Variants in ADGRL2 observed in about 807,000 individuals in gnomAD.
ADGRL2 encodes the protein calcium-independent alpha-latrotoxin receptor 2.
A neutral mutation model predicts 157.4 loss-of-function variants in ADGRL2; 44 were observed. The ratio of observed to expected loss-of-function variants is 0.28; its 90% CI spans 0.22 to 0.36. The LOEUF is 0.36. Among genes scored for constraint, ADGRL2 ranks in the 10% least tolerant of loss-of-function variants. The pLI, the probability that ADGRL2 is intolerant of heterozygous loss-of-function variation, is 1.00. For missense variants in ADGRL2, 1,510 were observed against 1,768.9 expected (o/e 0.85, Z 2.63); for synonymous variants, 585 against 624.7 (o/e 0.94, Z 0.95).
At chr1:81,808,651 C>A (rs2089465975) in intron 1 of ADGRL2, among the ~76,000 whole-genome samples, 1 of 151,980 alleles carries the variant, frequency 6.6e-6, no homozygotes, top group Non-Finnish European at 1.5e-5. Context: ...TCAAAAGAAA[C>A]CTACTCCATT....
chr1:81,516,489 A>G lies in ADGRL2; in HGVS notation c.-247-64387A>G, dbSNP rs1043769069. Among the ~76,000 whole-genome samples, 7 of 152,202 alleles carry G rather than the reference A, an allele frequency of 4.6e-5. 1 individual carries two copies. Among genetic ancestry groups the G allele is most frequent in the Admixed American group, 4.6e-4 (7 of 15,276 alleles). On this transcript the variant is annotated intron_variant, in intron 2 of 24. Coordinates refer to the ADGRL2 transcript ENST00000370721. ...CATCACTCCTGCAAAGTATTACCTG[A>G]CTTTTAGAGTCTATAGTAAGAGCCC...
chr1:81,537,188 T>C (rs2079760885), intron 2 of ADGRL2, among the ~76,000 whole-genome samples: 2 of 152,348 alleles, frequency 1.3e-5, no homozygotes, highest in South Asian at 4.1e-4. Context: ...TGCATATAAC[T>C]AGAAAAAAGC....
chr1:81,494,513 AC>A (rs2078693937), intron 2 of ADGRL2, among the ~76,000 whole-genome samples: 1 of 152,166 alleles, frequency 6.6e-6, no homozygotes, highest in South Asian at 2.1e-4. Context: ...CTTAAAGATC[AC>A]CTGTGACATT....
intron 3 of ADGRL2, among the ~76,000 whole-genome samples, chr1:81,933,469 G>A (rs1284438916): frequency 6.6e-6 from 1 of 152,094 alleles, no homozygotes; most frequent in East Asian, 1.9e-4. Context: ...AAATACAAAC[G>A]ACTAAACACT....
intron 2 of ADGRL2, among the ~76,000 whole-genome samples, chr1:81,860,187 G>A (rs1330247588): frequency 6.6e-6 from 1 of 152,080 alleles, no homozygotes; most frequent in Non-Finnish European, 1.5e-5. Flanking sequence ...TCATGCCTCT[G>A]TACTCCAGCC....
chr1:81,626,714 G>A (rs1238201487), intron 3 of ADGRL2, among the ~76,000 whole-genome samples: 2 of 152,236 alleles, frequency 1.3e-5, no homozygotes, highest in East Asian at 3.9e-4. Context: ...GGATGTGGGA[G>A]ACACTCTGAG....
At chr1:81,640,476 C>CA (rs1257632878) in intron 3 of ADGRL2, among the ~76,000 whole-genome samples, 2 of 151,546 alleles carry the variant, frequency 1.3e-5, no homozygotes, top group African/African-American at 2.4e-5. Flanking sequence ...TACTAAAATT[C>CA]AAAAAATTAG....
chr1:81,903,583 TTA>T (rs1447490936), intron 2 of ADGRL2, among the ~76,000 whole-genome samples: 1 of 151,750 alleles, frequency 6.6e-6, no homozygotes, highest in East Asian at 1.9e-4. Flanking sequence ...TGTTTATTTT[TTA>T]TGTTGTTGAA....
chr1:81,359,946 G>A (rs941933749), intron 1 of ADGRL2, among the ~76,000 whole-genome samples: 2 of 151,932 alleles, frequency 1.3e-5, no homozygotes, highest in Non-Finnish European at 2.9e-5. Context: ...TATCTTCACA[G>A]CCTGTCTCAC....
chr1:81,452,467 C>G (rs970740147), intron 2 of ADGRL2, among the ~76,000 whole-genome samples: 102 of 152,256 alleles, frequency 6.7e-4, no homozygotes, highest in African/African-American at 1.9e-3. Context: ...CAGCCCATGG[C>G]TTGTCATCAT....
At chr1:81,976,882 C>A (rs1660334753) in intron 17 of ADGRL2, among the ~76,000 whole-genome samples, 2 of 151,804 alleles carry the variant, frequency 1.3e-5, no homozygotes, top group African/African-American at 2.4e-5. Flanking sequence ...AATAGGATTT[C>A]TTTGAGGCAG....
At chr1:81,372,913 G>A (rs74093399) in intron 1 of ADGRL2, among the ~76,000 whole-genome samples, 2,757 of 152,258 alleles carry the variant, frequency 0.018, 89 homozygotes, top group African/African-American at 0.063. Flanking sequence ...TTACATAAAT[G>A]TCTTCTTCCA....
intron 2 of ADGRL2, among the ~76,000 whole-genome samples, chr1:81,463,589 C>T (rs1267359511): frequency 6.6e-6 from 1 of 152,164 alleles, no homozygotes; most frequent in Non-Finnish European, 1.5e-5. Flanking sequence ...TTTCACTCCT[C>T]AGTGGACTTT....
chr1:81,945,678 C>T (rs561490192), intron 6 of ADGRL2, among the ~76,000 whole-genome samples: 2 of 152,150 alleles, frequency 1.3e-5, no homozygotes, highest in African/African-American at 4.8e-5. Flanking sequence ...AGTTAACAGC[C>T]TTGAAAATGA....
chr1:81,623,338 A>G (rs1193337331), intron 3 of ADGRL2, among the ~76,000 whole-genome samples: 1 of 152,222 alleles, frequency 6.6e-6, no homozygotes, highest in Non-Finnish European at 1.5e-5. Context: ...TAGAAGATTT[A>G]AAAATTGTCT....
intron 2 of ADGRL2, among the ~76,000 whole-genome samples, chr1:81,491,614 T>A (rs1030496556): frequency 5.9e-5 from 9 of 152,094 alleles, no homozygotes; most frequent in Non-Finnish European, 1.3e-4. Context: ...GAACCAAAGA[T>A]GACAGAAAGA....
intron 6 of ADGRL2, among the ~76,000 whole-genome samples, chr1:81,947,111 C>T (rs1244684875): frequency 6.6e-6 from 1 of 152,026 alleles, no homozygotes; most frequent in African/African-American, 2.4e-5. Flanking sequence ...AATCCTAAGT[C>T]AGTGCATGAG....
intron 1 of ADGRL2, among the ~76,000 whole-genome samples, chr1:81,753,084 C>T (rs1157839049): frequency 3.3e-5 from 5 of 152,264 alleles, no homozygotes; most frequent in South Asian, 2.1e-4. Flanking sequence ...CTGAAGACAT[C>T]GCTGTATCTA....
At chr1:81,839,060 G>T (rs2150239272) in intron 2 of ADGRL2, among the ~76,000 whole-genome samples, 1 of 152,114 alleles carries the variant, frequency 6.6e-6, no homozygotes, top group African/African-American at 2.4e-5. Context: ...AGCAGATAAT[G>T]CTCTGTGAAC....
Sources: gnomAD v4.1 joint callset for allele counts (sites outside exome capture counted in the v4.1 genomes callset) on GRCh38, gnomAD v4.1.1 for gene constraint, MANE v1.5 for transcripts, NCBI Gene and HGNC (gene_info 2026-07-23, HGNC 2026-07-21) for gene names.